The following DDX60L variants were observed in gnomAD, a reference collection of about 807,000 sequenced individuals.
DDX60L encodes DExD/H-box 60 like.
In DDX60L, 191 loss-of-function variants were observed where a neutral mutation model predicts 211.6. The ratio of observed to expected loss-of-function variants is 0.90; its 90% CI spans 0.80 to 1.02. The LOEUF (loss-of-function observed/expected upper bound fraction) is 1.02. DDX60L is among the 50% of genes least tolerant of loss of function. DDX60L has a pLI of 0.00. For missense variants in DDX60L, 2,007 were observed against 1,984.1 expected, an observed-to-expected ratio of 1.01 and a Z score of -0.22; for synonymous variants, 706 against 694.1, an observed-to-expected ratio of 1.02 and a Z score of -0.27.
rs1482300317 is a variant in DDX60L, at chr4:168,433,240, T to C, written c.1295-125A>G. ...TAAATTTTACTAATGTTTACCAAGT[T>C]AGAGCTTCCAAATGAGATATTCCTC... On this transcript the variant is annotated intron_variant, in intron 10 of 37. Transcript: ENST00000682922. 2.8e-5 allele frequency: 18 copies of C among 637,886 alleles called. No individual in the cohort carries two copies. In the East Asian group the frequency reaches 4.6e-4, roughly 16 times the overall value. 39.5% of individuals were successfully genotyped at this position (637,886 alleles called of 1,614,324 possible).
chr4:168,437,044 T>C (rs2451038), intron 10 of DDX60L, among the ~76,000 whole-genome samples: 112,463 of 152,084 alleles, frequency 0.74, 42,897 homozygotes, highest in East Asian at 0.91. Context: ...CATACTACCA[T>C]GCCATGTGAT....
At chr4:168,367,732 A>G (rs1450927225) in intron 36 of DDX60L, among the ~76,000 whole-genome samples, 1 of 152,244 alleles carries the variant, frequency 6.6e-6, no homozygotes. Context: ...TGATAGCAAT[A>G]TGGACAATAA....
chr4:168,474,644 T>C (rs542939412), intron 1 of DDX60L, among the ~76,000 whole-genome samples: 1 of 152,094 alleles, frequency 6.6e-6, no homozygotes, highest in Non-Finnish European at 1.5e-5. Context: ...AGATATAAAA[T>C]AAATTAGTTT....
intron 1 of DDX60L, among the ~76,000 whole-genome samples, chr4:168,479,261 G>A (rs1442039844): frequency 3.3e-5 from 5 of 152,178 alleles, no homozygotes; most frequent in East Asian, 1.9e-4. Context: ...GATAGAAGGC[G>A]AAGAGCCTTG....
At chr4:168,392,882 C>T (rs545005781) in intron 28 of DDX60L, among the ~76,000 whole-genome samples, 4 of 151,780 alleles carry the variant, frequency 2.6e-5, no homozygotes, top group South Asian at 4.2e-4. Flanking sequence ...AGCAAGCTCC[C>T]ACAGTCTCAG....
intron 10 of DDX60L, among the ~76,000 whole-genome samples, chr4:168,437,647 A>C (rs1753229980): frequency 6.6e-6 from 1 of 152,188 alleles, no homozygotes; most frequent in Non-Finnish European, 1.5e-5. Context: ...GTTAAAATAG[A>C]GATTGCAAGA....
intron 16 of DDX60L, 127 bp downstream of exon 16, chr4:168,422,397 A>G: frequency 1.2e-6 from 1 of 865,196 alleles, no homozygotes; most frequent in South Asian, 2.2e-5. Flanking sequence ...TACATTCTCC[A>G]GGCACAGTAG....
chr4:168,453,889 C>G (rs989087758), intron 7 of DDX60L, among the ~76,000 whole-genome samples: 1 of 151,964 alleles, frequency 6.6e-6, no homozygotes, highest in Non-Finnish European at 1.5e-5. Context: ...ATTAGAACCA[C>G]CAAAAACATC....
intron 31 of DDX60L, 77 bp from the exon 32 acceptor site, chr4:168,379,581 C>T (rs1742571545): frequency 2.5e-6 from 3 of 1,212,534 alleles, no homozygotes; most frequent in Non-Finnish European, 3.4e-6. Flanking sequence ...GAGTGACTGA[C>T]AAATATTACC....
chr4:168,437,289 A>T (rs1753174978), intron 10 of DDX60L, among the ~76,000 whole-genome samples: 1 of 152,208 alleles, frequency 6.6e-6, no homozygotes, highest in African/African-American at 2.4e-5. Flanking sequence ...TGCTATTCTT[A>T]CAAGAACAGA....
intron 4 of DDX60L, among the ~76,000 whole-genome samples, chr4:168,466,743 T>C (rs1172032826): frequency 2.6e-5 from 4 of 152,206 alleles, no homozygotes; most frequent in African/African-American, 9.6e-5. Context: ...CTGCAGTTTA[T>C]GTTTAAAAAC....
chr4:168,379,956 C>A, intron 30 of DDX60L, 126 bp from the exon 31 acceptor site: 2 of 578,458 alleles, frequency 3.5e-6, no homozygotes, highest in Non-Finnish European at 5.9e-6. Context: ...AAGTAAATTT[C>A]ATTTGATTTC....
intron 8 of DDX60L, among the ~76,000 whole-genome samples, chr4:168,449,658 AAAAAAAAG>A (rs753570758): frequency 0.049 from 4,435 of 91,110 alleles, 214 homozygotes; most frequent in Non-Finnish European, 0.075. Context: ...AATGCAAAAA[AAAAAAAAG>A]AAAAAAGAAA....
At chr4:168,448,389 A>G (rs17540518) in intron 9 of DDX60L, among the ~76,000 whole-genome samples, 20,324 of 152,200 alleles carry the variant, frequency 0.13, 1,895 homozygotes, top group Non-Finnish European at 0.19. Flanking sequence ...GTTATAAAAT[A>G]TCATGCATCT....
intron 36 of DDX60L, among the ~76,000 whole-genome samples, chr4:168,364,929 C>T (rs948255284): frequency 6.6e-6 from 1 of 151,622 alleles, no homozygotes; most frequent in South Asian, 2.1e-4. Flanking sequence ...AAAAAAAACC[C>T]AACAGATCAA....
At chr4:168,375,331 T>C (rs1408143059) in intron 34 of DDX60L, 46 bp downstream of exon 34, 2 of 1,580,472 alleles carry the variant, frequency 1.3e-6, no homozygotes, top group Non-Finnish European at 1.7e-6. Flanking sequence ...TAACCAAGAT[T>C]GTTTACTCTT....
chr4:168,460,365 CTTCT>C (rs1197696479), intron 5 of DDX60L, among the ~76,000 whole-genome samples: 1 of 152,134 alleles, frequency 6.6e-6, no homozygotes, highest in Non-Finnish European at 1.5e-5. Flanking sequence ...TCATTACTTG[CTTCT>C]TTGTCAGTCT....
chr4:168,392,931 A>T (rs1414186334), intron 28 of DDX60L, among the ~76,000 whole-genome samples: 1 of 151,958 alleles, frequency 6.6e-6, no homozygotes, highest in Non-Finnish European at 1.5e-5. Context: ...TCATTCATTT[A>T]TATATTCATT....
chr4:168,441,549 C>T, intron 9 of DDX60L, 57 bp from the exon 10 acceptor site: 2 of 1,375,524 alleles, frequency 1.5e-6, no homozygotes, highest in Non-Finnish European at 9.9e-7. Context: ...CAGACACACA[C>T]AGAGCATCTT....
Sources: gnomAD v4.1 joint callset for allele counts (sites outside exome capture counted in the v4.1 genomes callset) on GRCh38, gnomAD v4.1.1 for gene constraint, MANE v1.5 for transcripts, NCBI Gene and HGNC (gene_info 2026-07-23, HGNC 2026-07-21) for gene names.